Variants in DOCK3 observed in about 807,000 individuals in gnomAD.
DOCK3 encodes dedicator of cytokinesis protein 3.
A neutral mutation model predicts 265.6 loss-of-function variants in DOCK3; 60 were observed. That is an observed-to-expected ratio of 0.23 (90% confidence interval 0.18 to 0.28). The LOEUF is 0.28. Among genes scored for constraint, DOCK3 ranks in the 10% least tolerant of loss-of-function variants. DOCK3 has a pLI of 1.00. For synonymous variants in DOCK3, 881 were observed against 938.0 expected (o/e 0.94, Z 1.11); for missense variants, 1,981 against 2,594.3 (o/e 0.76, Z 5.14).
At chr3:50,917,291 T>A (rs1341698523) in intron 4 of DOCK3, among the ~76,000 whole-genome samples, 1 of 152,078 alleles carries the variant, frequency 6.6e-6, no homozygotes, top group Non-Finnish European at 1.5e-5. Context: ...ACTTTTAAAA[T>A]GTCTGGGCCT....
chr3:50,835,685 G>T (rs1400303568), intron 2 of DOCK3, among the ~76,000 whole-genome samples: 1 of 152,078 alleles, frequency 6.6e-6, no homozygotes, highest in Non-Finnish European at 1.5e-5. Context: ...TAATAAGCAG[G>T]CACAACTGGA....
chr3:50,759,629 G>A (rs943483117), intron 1 of DOCK3, among the ~76,000 whole-genome samples: 26 of 148,204 alleles, frequency 1.8e-4, no homozygotes, highest in Admixed American at 6.8e-5. Context: ...CTTGAGCCCA[G>A]GAGTTCAATA....
chr3:51,118,157 A>G (rs1465200276), intron 9 of DOCK3, among the ~76,000 whole-genome samples: 2 of 152,158 alleles, frequency 1.3e-5, no homozygotes, highest in East Asian at 1.9e-4. Context: ...GGTACATTGT[A>G]TCTTTGTTCT....
chr3:51,307,878 GGT>G lies in DOCK3; in HGVS notation c.2923-2353_2923-2352del, dbSNP rs753653641. 2.0e-3 allele frequency among the ~76,000 whole-genome samples: 83 copies of G among 42,054 alleles called. 1 individual carries two copies. In the Middle Eastern group the frequency reaches 0.035, roughly 18 times the overall value. The allele number at this position is 42,054 out of a possible 152,430, so 27.6% of individuals were successfully genotyped here. On this transcript the variant is annotated intron_variant, in intron 27 of 52. Transcript: ENST00000266037. ...TGCAGCTGGGATGTTAAATTATATG[GGT>G]TTTTTTTTTTGTTTTTTTTTTCTCT... is the stretch of plus-strand genomic sequence containing the variant.
At position 51,270,901 on chromosome 3, in the gene DOCK3, G is replaced by A. The variant is rs1434295105; in HGVS notation, c.2442G>A (p.Gly814=). The A allele has an allele frequency of 6.2e-7, 1 of 1,614,038 alleles. No homozygotes were observed. The highest frequency in any genetic ancestry group is 8.5e-7 in the Non-Finnish European group (1 of 1,179,900). ...AAGAGGTGGCAGAGTTTGTGAGAGG[G>A]ACACTGGGGAGCATGCCCAGCACTG... The part of the protein sequence containing the change: ...TVQEVAEFVR[G]TLGSMPSTVH... The change falls in exon 24 of 53, where the codon GGG becomes GGA. Residue 814 remains glycine (G), a synonymous_variant. Transcript: ENST00000266037.
intron 1 of DOCK3, among the ~76,000 whole-genome samples, chr3:50,732,038 TA>T (rs781063967): frequency 0.01 from 1,456 of 143,088 alleles, 8 homozygotes; most frequent in African/African-American, 0.016. Context: ...TTAATGTATT[TA>T]AAAAAAAAAA....
At chr3:50,707,484 G>A (rs979042149) in intron 1 of DOCK3, among the ~76,000 whole-genome samples, 3 of 152,010 alleles carry the variant, frequency 2.0e-5, no homozygotes, top group African/African-American at 7.2e-5. Flanking sequence ...TCATAGGAAT[G>A]CAAGAATAGC....
At chr3:50,910,785 G>A (rs1160784703) in intron 4 of DOCK3, among the ~76,000 whole-genome samples, 1 of 152,144 alleles carries the variant, frequency 6.6e-6, no homozygotes, top group Non-Finnish European at 1.5e-5. Flanking sequence ...GGGGATTGGT[G>A]GTGTAGGCAA....
intron 9 of DOCK3, among the ~76,000 whole-genome samples, chr3:51,144,550 G>A (rs771132406): frequency 7.9e-5 from 12 of 152,008 alleles, no homozygotes; most frequent in Non-Finnish European, 1.6e-4. Context: ...AGATGTCATT[G>A]TCCCTCAGCA....
chr3:51,004,636 A>G (rs377481164), intron 5 of DOCK3, among the ~76,000 whole-genome samples: 71 of 151,790 alleles, frequency 4.7e-4, no homozygotes, highest in African/African-American at 1.7e-3. Context: ...ATAATACTGC[A>G]TTATTCTACT....
At chr3:50,709,451 AT>A (rs2036615780) in intron 1 of DOCK3, among the ~76,000 whole-genome samples, 1 of 151,966 alleles carries the variant, frequency 6.6e-6, no homozygotes, top group African/African-American at 2.4e-5. Flanking sequence ...AGTGGTGAAC[AT>A]TTTTGTCTTG....
At chr3:51,205,138 C>T (rs1372552408) in intron 12 of DOCK3, among the ~76,000 whole-genome samples, 3 of 150,748 alleles carry the variant, frequency 2.0e-5, no homozygotes, top group Non-Finnish European at 4.4e-5. Context: ...GCACATTGTG[C>T]ACATGTACGC....
At chr3:51,143,856 G>A (rs1025495037) in intron 9 of DOCK3, among the ~76,000 whole-genome samples, 2 of 152,066 alleles carry the variant, frequency 1.3e-5, no homozygotes, top group Non-Finnish European at 2.9e-5. Context: ...TTATCATTTT[G>A]TTGTGATTTG....
At chr3:51,363,684 T>G (rs1269948092) in intron 49 of DOCK3, among the ~76,000 whole-genome samples, 1 of 152,202 alleles carries the variant, frequency 6.6e-6, no homozygotes, top group African/African-American at 2.4e-5. Context: ...CCCCACCCTG[T>G]GTCCAAGTGT....
chr3:50,945,069 A>G (rs903158723), intron 5 of DOCK3, among the ~76,000 whole-genome samples: 2 of 152,256 alleles, frequency 1.3e-5, no homozygotes, highest in Admixed American at 6.5e-5. Flanking sequence ...TTAACATTCA[A>G]CTAGAGTATC....
intron 18 of DOCK3, 71 bp downstream of exon 18, chr3:51,228,903 G>T: frequency 1.3e-6 from 2 of 1,493,198 alleles, no homozygotes; most frequent in African/African-American, 1.4e-5. Context: ...ACTAGCGCAT[G>T]TGAAGGGAGA....
chr3:50,911,729 A>G (rs1184427810), intron 4 of DOCK3, among the ~76,000 whole-genome samples: 3 of 152,092 alleles, frequency 2.0e-5, no homozygotes, highest in Non-Finnish European at 4.4e-5. Flanking sequence ...AGAGAAAGAA[A>G]GAGAGATTGC....
At chr3:50,932,130 A>G (rs1265250162) in intron 4 of DOCK3, among the ~76,000 whole-genome samples, 1 of 152,206 alleles carries the variant, frequency 6.6e-6, no homozygotes, top group Non-Finnish European at 1.5e-5. Flanking sequence ...GAAAGCTTTT[A>G]TATTAATGAG....
rs1250046499 is a variant in DOCK3, at chr3:51,249,833, G to A, written c.2184+3026G>A. On this transcript the variant is annotated intron_variant, in intron 22 of 52. Coordinates refer to ENST00000266037, the MANE Select transcript of DOCK3 (RefSeq NM_004947.5). ...CAATGGCGGCTTTGTGGAATAGAAA[G>A]GGGGGAAAGGTGGGGAAAAGATTGA... is the stretch of plus-strand genomic sequence containing the variant. 4.2e-4 allele frequency among the ~76,000 whole-genome samples: 62 copies of A among 147,530 alleles called. No individual in the cohort carries two copies. In the Middle Eastern group the frequency reaches 0.01, roughly 25 times the overall value.
Sources: allele counts gnomAD v4.1 joint callset (sites outside exome capture counted in the v4.1 genomes callset), GRCh38; gene constraint gnomAD v4.1.1; transcripts MANE v1.5; gene names NCBI Gene and HGNC (gene_info 2026-07-23, HGNC 2026-07-21).